The following AGMO variants were observed in gnomAD, a reference collection of about 807,000 sequenced individuals.
AGMO encodes the protein alkylglycerol monooxygenase.
Under a neutral mutation model 60.2 loss-of-function variants are expected in AGMO, and 75 were observed. That is an observed-to-expected ratio of 1.25 (90% confidence interval 1.03 to 1.51). The LOEUF is 1.51. Among genes scored for constraint, AGMO ranks in the 40% most tolerant of loss-of-function variants. The pLI, the probability that AGMO is intolerant of heterozygous loss-of-function variation, is 0.00. For missense variants in AGMO, 763 were observed against 525.5 expected (o/e 1.45, Z -4.42); for synonymous variants, 261 against 177.1 (o/e 1.47, Z -3.76).
chr7:15,493,362 C>CACACACT (rs71004386), intron 3 of AGMO, among the ~76,000 whole-genome samples: 4 of 102,260 alleles, frequency 3.9e-5, no homozygotes, highest in African/African-American at 1.6e-4. Flanking sequence ...CACACACACA[C>CACACACT]TTCTTTTTTT....
At chr7:15,392,774 G>A (rs1784198706) in intron 6 of AGMO, among the ~76,000 whole-genome samples, 1 of 151,474 alleles carries the variant, frequency 6.6e-6, no homozygotes, top group Non-Finnish European at 1.5e-5. Flanking sequence ...ACTCCAGCCT[G>A]GGCGACAGAA....
At chr7:15,139,348 G>A in the AGMO span, among the ~76,000 whole-genome samples, 1 of 152,044 alleles carries the variant, frequency 6.6e-6, no homozygotes, top group Non-Finnish European at 1.5e-5. Context: ...AATTGATTCT[G>A]ATGTTGTATT....
At chr7:15,272,717 A>G (rs548887050) in intron 12 of AGMO, among the ~76,000 whole-genome samples, 45 of 152,142 alleles carry the variant, frequency 3.0e-4, no homozygotes, top group Non-Finnish European at 5.1e-4. Flanking sequence ...TGTCTTCCAC[A>G]ATGGTTGAAC....
At chr7:15,519,409 A>T (rs1418895017) in intron 3 of AGMO, among the ~76,000 whole-genome samples, 1 of 152,136 alleles carries the variant, frequency 6.6e-6, no homozygotes, top group Non-Finnish European at 1.5e-5. Flanking sequence ...GCCAGAGAAT[A>T]AGGTCGGGTT....
chr7:15,272,164 G>A (rs1302804599), intron 12 of AGMO, among the ~76,000 whole-genome samples: 1 of 151,496 alleles, frequency 6.6e-6, no homozygotes. Flanking sequence ...TTAAGTTCTA[G>A]GGTAAATGTG....
chr7:15,183,619 G>C, the AGMO span, among the ~76,000 whole-genome samples: 1 of 152,086 alleles, frequency 6.6e-6, no homozygotes, highest in African/African-American at 2.4e-5. Context: ...TTGACTTGTA[G>C]AAAGTTGCTT....
At chr7:15,523,113 T>C (rs1302422202) in intron 3 of AGMO, among the ~76,000 whole-genome samples, 1 of 152,144 alleles carries the variant, frequency 6.6e-6, no homozygotes, top group African/African-American at 2.4e-5. Context: ...CACTGGTCAT[T>C]AGAAAAATGC....
chr7:15,267,539 C>G (rs996527821), intron 12 of AGMO, among the ~76,000 whole-genome samples: 1 of 151,958 alleles, frequency 6.6e-6, no homozygotes. Context: ...GACAGTCATT[C>G]AGGGACAAAT....
intron 3 of AGMO, among the ~76,000 whole-genome samples, chr7:15,512,956 T>C (rs1783712296): frequency 6.6e-6 from 1 of 152,216 alleles, no homozygotes; most frequent in Admixed American, 6.5e-5. Context: ...ATTTTCATAA[T>C]TCTCATCTCC....
At chr7:15,348,328 T>C (rs535154665) in intron 12 of AGMO, among the ~76,000 whole-genome samples, 93 of 152,166 alleles carry the variant, frequency 6.1e-4, no homozygotes, top group African/African-American at 2.1e-3. Context: ...CTACTTAAAA[T>C]GATCCTGGCC....
intron 12 of AGMO, among the ~76,000 whole-genome samples, chr7:15,236,962 A>T (rs1782442385): frequency 7.0e-6 from 1 of 142,800 alleles, no homozygotes. Flanking sequence ...TAAAAAAAAT[A>T]AAAATAAAAA....
intron 3 of AGMO, among the ~76,000 whole-genome samples, chr7:15,473,511 A>G (rs1371005897): frequency 6.6e-6 from 1 of 151,918 alleles, no homozygotes; most frequent in African/African-American, 2.4e-5. Flanking sequence ...AAAATTCAAC[A>G]CAACTTCATG....
chr7:15,421,907 A>G (rs1359770890), intron 4 of AGMO, among the ~76,000 whole-genome samples: 1 of 152,172 alleles, frequency 6.6e-6, no homozygotes, highest in Admixed American at 6.6e-5. Context: ...GAGAAGTCAG[A>G]AAGAGTTGCA....
In AGMO at chr7:15,368,322, A is replaced by G. The variant is rs561207315; in HGVS notation, c.1075-2100T>C. Among the ~76,000 whole-genome samples the G allele has an allele frequency of 4.7e-4, 71 of 150,544 alleles. No homozygotes were observed. In the South Asian group the frequency reaches 9.4e-3, roughly 20 times the overall value. ...CAGAAAAATATTTTCCTGGTGGTAG[A>G]AGTAACTAAGGTTTGTTACTTTGTT... On this transcript the variant is annotated intron_variant, in intron 10 of 12. Coordinates refer to ENST00000342526, the MANE Select transcript of AGMO (RefSeq NM_001004320.2).
chr7:15,386,348 T>C (rs1022379337), intron 9 of AGMO, among the ~76,000 whole-genome samples: 11 of 152,202 alleles, frequency 7.2e-5, no homozygotes, highest in African/African-American at 2.4e-4. Context: ...TTCCCCAAAA[T>C]GCTACACATC....
At chr7:15,316,703 G>A (rs1234641496) in intron 12 of AGMO, among the ~76,000 whole-genome samples, 2 of 152,146 alleles carry the variant, frequency 1.3e-5, no homozygotes, top group African/African-American at 2.4e-5. Flanking sequence ...TACTTTAACA[G>A]GCTAATGTAT....
intron 5 of AGMO, among the ~76,000 whole-genome samples, chr7:15,407,419 A>G (rs1288997889): frequency 6.6e-6 from 1 of 151,612 alleles, no homozygotes; most frequent in Non-Finnish European, 1.5e-5. Flanking sequence ...ATGGGCTTCA[A>G]GAGAGAACAA....
chr7:15,441,376 G>A (rs1404774922), intron 3 of AGMO, among the ~76,000 whole-genome samples: 2 of 152,042 alleles, frequency 1.3e-5, no homozygotes, highest in African/African-American at 4.8e-5. Flanking sequence ...TAATGAAATC[G>A]AATTCTGGTG....
intron 5 of AGMO, among the ~76,000 whole-genome samples, chr7:15,408,065 G>A (rs937370716): frequency 1.3e-5 from 2 of 151,830 alleles, no homozygotes; most frequent in African/African-American, 4.8e-5. Flanking sequence ...TAATTGGGTT[G>A]CGTCATGAAG....
Sources: gnomAD v4.1 joint callset for allele counts (sites outside exome capture counted in the v4.1 genomes callset) on GRCh38, gnomAD v4.1.1 for gene constraint, MANE v1.5 for transcripts, NCBI Gene and HGNC (gene_info 2026-07-23, HGNC 2026-07-21) for gene names.